Variants in UTRN observed in about 807,000 individuals in gnomAD.
The protein encoded by UTRN is dystrophin-related protein 1.
A neutral mutation model predicts 463.9 loss-of-function variants in UTRN; 283 were observed. That is an observed-to-expected ratio of 0.61 (90% CI 0.55 to 0.67). UTRN has a LOEUF of 0.67. Ranked by LOEUF, UTRN falls within the 30% of genes least tolerant of loss-of-function variation. UTRN has a pLI of 0.00. For synonymous variants in UTRN, 1,442 were observed against 1,431.5 expected (o/e 1.01, Z -0.17); for missense variants, 3,922 against 4,084.3 (o/e 0.96, Z 1.08).
At chr6:144,742,332 T>C (rs1335224303) in intron 54 of UTRN, among the ~76,000 whole-genome samples, 1 of 152,186 alleles carries the variant, frequency 6.6e-6, no homozygotes, top group Admixed American at 6.5e-5. Context: ...TCAGTTATTG[T>C]ACAGAGTAGG....
chr6:144,481,066 G>T (rs1330855949), intron 26 of UTRN, among the ~76,000 whole-genome samples: 2 of 151,972 alleles, frequency 1.3e-5, no homozygotes, highest in Non-Finnish European at 2.9e-5. Flanking sequence ...GTAGTTCTGT[G>T]GATTTTAAAA....
At position 144,743,349 on chromosome 6, in the gene UTRN, A is replaced by C. The variant is rs192130992; in HGVS notation, c.7940-4897A>C. Among the ~76,000 whole-genome samples the C allele has an allele frequency of 3.3e-5, 5 of 152,372 alleles. No homozygotes were observed. The East Asian group carries it at 9.6e-4, about 29-fold the overall frequency. The stretch of plus-strand genomic sequence containing the variant: ...TAACACTGGGCGAATTCTAATAAAT[A>C]TCTATCATTATTTCATGGGAGAAAC... On this transcript the variant is annotated intron_variant, in intron 54 of 74. Transcript: ENST00000367545.
At chr6:144,585,366 A>G (rs1362529151) in intron 51 of UTRN, among the ~76,000 whole-genome samples, 1 of 152,172 alleles carries the variant, frequency 6.6e-6, no homozygotes, top group Non-Finnish European at 1.5e-5. Context: ...CAAAATTAAC[A>G]ACTGCCTGAT....
intron 44 of UTRN, 76 bp downstream of exon 44, chr6:144,537,793 A>C: frequency 2.0e-4 from 306 of 1,508,194 alleles, no homozygotes; most frequent in Non-Finnish European, 2.5e-4. Flanking sequence ...TGCGTGTCTC[A>C]AGAAGAAAAG....
chr6:144,490,343 C>A, intron 31 of UTRN, 144 bp downstream of exon 31: 1 of 1,160,258 alleles, frequency 8.6e-7, no homozygotes, highest in Non-Finnish European at 1.2e-6. Flanking sequence ...TTGAAGGTTG[C>A]ATCCTAGGGC....
intron 72 of UTRN, 67 bp from the exon 73 acceptor site, chr6:144,840,673 T>G: frequency 1.3e-6 from 2 of 1,556,226 alleles, no homozygotes; most frequent in Non-Finnish European, 1.8e-6. Context: ...CTCCTGAATT[T>G]GGGTTTTAGT....
At chr6:144,634,158 A>T (rs1379180614) in intron 51 of UTRN, among the ~76,000 whole-genome samples, 1 of 152,240 alleles carries the variant, frequency 6.6e-6, no homozygotes, top group African/African-American at 2.4e-5. Flanking sequence ...ATGTGTGGAT[A>T]TGCTGCCTTC....
intron 51 of UTRN, among the ~76,000 whole-genome samples, chr6:144,628,732 G>A (rs1194417744): frequency 6.6e-6 from 1 of 152,136 alleles, no homozygotes; most frequent in Non-Finnish European, 1.5e-5. Context: ...ACTATTAAGG[G>A]TTCTTACAGT....
At chr6:144,410,011 CTTG>C (rs1452104568) in intron 3 of UTRN, among the ~76,000 whole-genome samples, 1 of 152,102 alleles carries the variant, frequency 6.6e-6, no homozygotes, top group Non-Finnish European at 1.5e-5. Context: ...CTAGATGTGC[CTTG>C]TTGTGATAGT....
chr6:144,652,940 T>G (rs1778969040), intron 51 of UTRN, among the ~76,000 whole-genome samples: 1 of 152,230 alleles, frequency 6.6e-6, no homozygotes, highest in Non-Finnish European at 1.5e-5. Context: ...TCAAATATAA[T>G]GATGCCACCC....
intron 50 of UTRN, among the ~76,000 whole-genome samples, chr6:144,565,764 T>A (rs1800348856): frequency 1.3e-5 from 2 of 151,976 alleles, no homozygotes; most frequent in Admixed American, 1.3e-4. Context: ...GAAAGAGCAA[T>A]TTGGAGGAAG....
chr6:144,656,674 T>A (rs1177772084), intron 51 of UTRN, among the ~76,000 whole-genome samples: 1 of 152,240 alleles, frequency 6.6e-6, no homozygotes, highest in Non-Finnish European at 1.5e-5. Flanking sequence ...AGTCTTTTAA[T>A]GTATCAGTTA....
rs570637758 is a variant in UTRN, at chr6:144,779,585, GAAGA to G, written c.8633-2335_8633-2332del. Among the ~76,000 whole-genome samples, 42 of 152,226 alleles carry G rather than the reference GAAGA, an allele frequency of 2.8e-4. 1 individual carries two copies. In the South Asian group the frequency reaches 7.9e-3, roughly 29 times the overall value. The stretch of plus-strand genomic sequence containing the variant: ...TCATGTTGATTAATCTGAGGGGGAG[GAAGA>G]AGAGGAGCAGTTGGTGTTGCTGTCT... On this transcript the variant is annotated intron_variant, in intron 60 of 74. Coordinates refer to ENST00000367545, the MANE Select transcript of UTRN (RefSeq NM_007124.3).
intron 16 of UTRN, 83 bp downstream of exon 16, chr6:144,447,864 A>G: frequency 7.1e-7 from 1 of 1,404,738 alleles, no homozygotes; most frequent in Non-Finnish European, 9.5e-7. Context: ...AATTTGTATG[A>G]AATAAACTAA....
Position 144,448,655 on chromosome 6 carries a change from T to C in UTRN, c.1958T>C (p.Leu653Ser), listed in dbSNP as rs781565409. 6.2e-7 allele frequency: 1 copy of C among 1,614,078 alleles called. No homozygotes were observed. The highest frequency in any genetic ancestry group is 8.5e-7 in the Non-Finnish European group (1 of 1,179,956). ...GMSQIPQKDL[L>S]ETVRVREQAI... ...TCTCAGATTCCTCAGAAGGACCTTT[T>C]GGAGACTGTTCGTGTAAGAGAACAA... Residue 653 changes from leucine (L) to serine (S), a missense_variant, in exon 17 of 75, where the codon TTG (leucine) becomes TCG (serine). Leu to Ser is a moderately radical substitution (Grantham distance 145). This residue lies in a region of UTRN where 2,349 missense variants were observed against 2,303.8 expected (regional missense o/e 1.02). Transcript: ENST00000367545.
intron 13 of UTRN, among the ~76,000 whole-genome samples, chr6:144,442,892 T>A (rs538669790): frequency 6.6e-6 from 1 of 152,272 alleles, no homozygotes; most frequent in South Asian, 2.1e-4. Context: ...AAAATGTAGA[T>A]TCCTAGGCTC....
intron 51 of UTRN, among the ~76,000 whole-genome samples, chr6:144,654,144 G>A (rs1393023935): frequency 6.6e-6 from 1 of 152,206 alleles, no homozygotes; most frequent in East Asian, 1.9e-4. Flanking sequence ...CTGGTTATTG[G>A]TGATATTAGT....
intron 53 of UTRN, chr6:144,706,896 A>G (rs1487546945): frequency 2.0e-5 from 3 of 152,192 alleles, no homozygotes; most frequent in African/African-American, 7.2e-5. Flanking sequence ...TGCCCATGAT[A>G]GACAGAGTGA....
intron 51 of UTRN, among the ~76,000 whole-genome samples, chr6:144,639,512 C>T (rs945502400): frequency 1.3e-5 from 2 of 152,136 alleles, no homozygotes; most frequent in African/African-American, 4.8e-5. Flanking sequence ...CATACAAGTT[C>T]GTGATTCAAC....
Sources: gnomAD v4.1 joint callset for allele counts (sites outside exome capture counted in the v4.1 genomes callset) on GRCh38, gnomAD v4.1.1 for gene constraint, gnomAD v4.1.1 regional missense constraint, MANE v1.5 for transcripts, NCBI Gene and HGNC (gene_info 2026-07-23, HGNC 2026-07-21) for gene names.